The following ATP11B variants were observed in gnomAD, a reference collection of about 807,000 sequenced individuals.
The protein encoded by ATP11B is phospholipid-transporting ATPase IF.
Under a neutral mutation model 157.8 loss-of-function variants are expected in ATP11B, and 81 were observed. The ratio of observed to expected loss-of-function variants is 0.51; its 90% confidence interval spans 0.43 to 0.62. The LOEUF is 0.62. Ranked by LOEUF, ATP11B falls within the 20% of genes least tolerant of loss-of-function variation. The probability of loss-of-function intolerance (pLI) is 0.00; values close to 1 mark genes in which losing one functional copy is unlikely to be tolerated. For missense variants in ATP11B, 1,165 were observed against 1,402.2 expected, an observed-to-expected ratio of 0.83 and a Z score of 2.70; for synonymous variants, 451 against 469.4, an observed-to-expected ratio of 0.96 and a Z score of 0.51.
intron 29 of ATP11B, chr3:182,916,437 A>C (rs1725145933): frequency 1.0e-6 from 1 of 985,236 alleles, no homozygotes; most frequent in Non-Finnish European, 1.2e-6. Flanking sequence ...AGGCACAAAA[A>C]TTTGACTTAC....
chr3:182,889,030 T>G (rs930087074), intron 24 of ATP11B, among the ~76,000 whole-genome samples: 20 of 151,966 alleles, frequency 1.3e-4, no homozygotes, highest in African/African-American at 4.8e-4. Context: ...GCCCAGCTAA[T>G]TTTTATATTT....
chr3:182,871,891 C>G (rs1721687048), intron 17 of ATP11B, among the ~76,000 whole-genome samples: 1 of 151,964 alleles, frequency 6.6e-6, no homozygotes, highest in Admixed American at 6.5e-5. Flanking sequence ...TTTCGGCTCA[C>G]TGCAAGCTCC....
intron 17 of ATP11B, 38 bp downstream of exon 17, chr3:182,869,369 G>T (rs1721485217): frequency 7.8e-7 from 1 of 1,281,432 alleles, no homozygotes; most frequent in Non-Finnish European, 1.1e-6. Context: ...AACTCTAAAA[G>T]ATATATTTAT....
At chr3:182,917,473 CTTA>C in intron 29 of ATP11B, 1 of 985,342 alleles carries the variant, frequency 1.0e-6, no homozygotes, top group Non-Finnish European at 1.2e-6. Flanking sequence ...ATCGTTTGTC[CTTA>C]TTAAGTGAAA....
intron 8 of ATP11B, 30 bp downstream of exon 8, chr3:182,842,152 C>A: frequency 6.7e-7 from 1 of 1,499,706 alleles, no homozygotes; most frequent in South Asian, 1.1e-5. Context: ...ATCTAATTAC[C>A]TTTAAATGGG....
chr3:182,841,997 A>AC lies in ATP11B; in HGVS notation c.657-77dup, dbSNP rs1719082900. On this transcript the variant is annotated intron_variant, in intron 7 of 29. Coordinates refer to ENST00000323116, the MANE Select transcript of ATP11B (RefSeq NM_014616.3). ...CGTCTCAAAAAAAAAAAAAAAAAAA[A>AC]CAAAGGATGGTGCAAAAAAACAGCC... The AC allele has an allele frequency of 7.7e-6, 7 of 911,560 alleles. No individual in the cohort carries two copies. The South Asian group carries it at 7.7e-5, about 10-fold the overall frequency. 56.5% of individuals were successfully genotyped at this position (911,560 alleles called of 1,614,324 possible).
intron 4 of ATP11B, among the ~76,000 whole-genome samples, chr3:182,830,390 T>TA (rs1718044854): frequency 6.6e-6 from 1 of 152,202 alleles, no homozygotes; most frequent in African/African-American, 2.4e-5. Flanking sequence ...GTTTAGTTTT[T>TA]ATGTATTTTC....
intron 1 of ATP11B, among the ~76,000 whole-genome samples, chr3:182,805,563 T>A (rs1189034529): frequency 6.6e-6 from 1 of 151,826 alleles, no homozygotes; most frequent in South Asian, 2.1e-4. Flanking sequence ...GAAGTGATTC[T>A]CCTGCCTCAG....
At chr3:182,796,993 G>T (rs1715649583) in intron 1 of ATP11B, among the ~76,000 whole-genome samples, 1 of 152,198 alleles carries the variant, frequency 6.6e-6, no homozygotes, top group Non-Finnish European at 1.5e-5. Flanking sequence ...TGAGAAAAAT[G>T]AGAAGGTCTT....
rs936381100 is a variant in ATP11B at position 182,920,119 on chromosome 3, CCAGA to C, written c.*2018_*2021del. 1 of 152,130 alleles carries C rather than the reference CCAGA, an allele frequency of 6.6e-6. No individual in the cohort carries two copies. The highest frequency in any genetic ancestry group is 2.4e-5 in the African/African-American group (1 of 41,418). The allele number at this position is 152,130 out of a possible 1,614,324, so 9.4% of individuals were successfully genotyped here. On this transcript the variant is annotated 3_prime_UTR_variant, in exon 30 of 30. Transcript: ENST00000323116. ...CCATCAAATAAACTGAGTACTGACA[CCAGA>C]CAAAGACTCCAAAGTCATAAAATAG... is the stretch of plus-strand genomic sequence containing the variant.
intron 19 of ATP11B, among the ~76,000 whole-genome samples, chr3:182,875,376 C>G (rs1234202688): frequency 1.3e-5 from 2 of 152,112 alleles, no homozygotes; most frequent in Non-Finnish European, 2.9e-5. Context: ...CTTTTTAAAA[C>G]CTATTTAAGA....
chr3:182,838,769 A>G (rs1718761817), intron 7 of ATP11B, among the ~76,000 whole-genome samples: 1 of 150,170 alleles, frequency 6.7e-6, no homozygotes, highest in Non-Finnish European at 1.5e-5. Context: ...CTTGTAACAC[A>G]TATATGTGCT....
chr3:182,812,691 T>G (rs1331206795), intron 1 of ATP11B, among the ~76,000 whole-genome samples: 2 of 152,212 alleles, frequency 1.3e-5, no homozygotes, highest in Admixed American at 6.5e-5. Flanking sequence ...CCCAAATGGA[T>G]GAAGTTGATT....
chr3:182,843,221 A>G lies in ATP11B; in HGVS notation c.704+1099A>G, dbSNP rs149031900. Among the ~76,000 whole-genome samples, 1,081 of 152,318 alleles carry G rather than the reference A, an allele frequency of 7.1e-3. 6 individuals are homozygous for G. The highest frequency in any genetic ancestry group is 9.5e-3 in the Non-Finnish European group (645 of 68,024). ...AAGGGTTAATTTAAAAGCACTTTGC[A>G]TTTCATCTGCTAGTAATTTGTGGCA... is the stretch of plus-strand genomic sequence containing the variant. On this transcript the variant is annotated intron_variant, in intron 8 of 29. Coordinates refer to ENST00000323116, the MANE Select transcript of ATP11B (RefSeq NM_014616.3).
intron 26 of ATP11B, 36 bp from the exon 27 acceptor site, chr3:182,897,267 G>T: frequency 8.4e-7 from 1 of 1,192,282 alleles, no homozygotes; most frequent in Non-Finnish European, 1.2e-6. Context: ...AGCTTTATTT[G>T]TTTATATTTC....
chr3:182,866,795 GTA>G (rs1050111010), intron 14 of ATP11B, among the ~76,000 whole-genome samples: 6 of 144,640 alleles, frequency 4.1e-5, no homozygotes, highest in African/African-American at 1.5e-4. Context: ...TTGTGTATGT[GTA>G]TATATATTTA....
rs79219373 is a variant in ATP11B, at chr3:182,838,282, T to C, written c.656+1108T>C. Among the ~76,000 whole-genome samples the C allele has an allele frequency of 8.4e-3, 1,276 of 152,082 alleles. 22 individuals are homozygous for C. The highest frequency in any genetic ancestry group is 0.029 in the African/African-American group (1,214 of 41,538). ...TTTAACTGTGAAGAATTTTAAGATT[T>C]CTATATTGCTGTTATATCCTGGTCT... On this transcript the variant is annotated intron_variant, in intron 7 of 29. Transcript: ENST00000323116.
At chr3:182,886,670 A>T (rs924647280) in intron 23 of ATP11B, among the ~76,000 whole-genome samples, 9 of 152,210 alleles carry the variant, frequency 5.9e-5, no homozygotes, top group African/African-American at 1.9e-4. Flanking sequence ...TAACTTAATG[A>T]CTAAACCATA....
At chr3:182,875,629 C>T (rs1254534439) in intron 19 of ATP11B, among the ~76,000 whole-genome samples, 2 of 152,094 alleles carry the variant, frequency 1.3e-5, no homozygotes, top group African/African-American at 4.8e-5. Flanking sequence ...TTAGTAAAGA[C>T]AGGGTTTCTC....
Sources: gnomAD v4.1 joint callset for allele counts (sites outside exome capture counted in the v4.1 genomes callset) on GRCh38, gnomAD v4.1.1 for gene constraint, MANE v1.5 for transcripts, NCBI Gene and HGNC (gene_info 2026-07-23, HGNC 2026-07-21) for gene names.